Variants in EEF1AKMT2 observed in about 807,000 individuals in gnomAD.
The protein encoded by EEF1AKMT2 is eukaryotic translation elongation factor 1 alpha lysine methyltransferase 2.
In EEF1AKMT2, 32 loss-of-function variants were observed where a neutral mutation model predicts 35.8. The ratio of observed to expected loss-of-function variants is 0.89; its 90% CI spans 0.67 to 1.20. The LOEUF (loss-of-function observed/expected upper bound fraction) is 1.20. Among genes scored for constraint, EEF1AKMT2 ranks in the 50% most tolerant of loss-of-function variants. The pLI, the probability that EEF1AKMT2 is intolerant of heterozygous loss-of-function variation, is 0.00. For missense variants in EEF1AKMT2, 330 were observed against 347.5 expected, an observed-to-expected ratio of 0.95 and a Z score of 0.40; for synonymous variants, 121 against 133.7, an observed-to-expected ratio of 0.91 and a Z score of 0.65.
At chr10:124,788,677 C>T (rs544246034) in intron 3 of EEF1AKMT2, among the ~76,000 whole-genome samples, 42 of 116,902 alleles carry the variant, frequency 3.6e-4, no homozygotes, top group Non-Finnish European at 6.2e-4. Flanking sequence ...AGATAAGATA[C>T]GTATGTCCTA....
chr10:124,762,809 G>A (rs1193604199), intron 5 of EEF1AKMT2, among the ~76,000 whole-genome samples: 1 of 152,018 alleles, frequency 6.6e-6, no homozygotes, highest in African/African-American at 2.4e-5. Context: ...CATTGTCCTG[G>A]ATACATGCAT....
At position 124,779,858 on chromosome 10, in the gene EEF1AKMT2, C is replaced by T. The variant is rs1274839960; in HGVS notation, c.292-5076G>A. Among the ~76,000 whole-genome samples the T allele has an allele frequency of 3.3e-5, 5 of 149,264 alleles. No individual in the cohort carries two copies. In the East Asian group the frequency reaches 6.0e-4, roughly 18 times the overall value. On this transcript the variant is annotated intron_variant, in intron 3 of 6. Transcript: ENST00000368836. Reference sequence around the variant, plus strand: ...TGGGTGGATCCTGAGGTCAGGAGATCGAGACCATCCTGGCTAACAGAGTGA... The same window carrying T: ...TGGGTGGATCCTGAGGTCAGGAGATTGAGACCATCCTGGCTAACAGAGTGA...
chr10:124,760,240 C>A lies in EEF1AKMT2; in HGVS notation c.*263G>T, dbSNP rs1950319037. The stretch of plus-strand genomic sequence containing the variant: ...TCTTGATTGATCTCTAAAACCCAAC[C>A]ACTTAGATGCTCATTATTATTATTT... On this transcript the variant is annotated 3_prime_UTR_variant, in exon 7 of 7. Transcript: ENST00000368836. 1 of 429,378 alleles carries A rather than the reference C, an allele frequency of 2.3e-6. No individual in the cohort carries two copies. The highest frequency in any genetic ancestry group is 4.1e-6 in the Non-Finnish European group (1 of 241,206). 26.6% of individuals were successfully genotyped at this position (429,378 alleles called of 1,614,324 possible). A position where few individuals can be genotyped will look rare whatever the true frequency, so the allele number is the denominator to read the frequency against.
chr10:124,772,644 T>C (rs1950448451), intron 4 of EEF1AKMT2, among the ~76,000 whole-genome samples: 1 of 152,020 alleles, frequency 6.6e-6, no homozygotes, highest in Admixed American at 6.6e-5. Context: ...GCCAGGCTGG[T>C]CTTAAACTCC....
intron 3 of EEF1AKMT2, among the ~76,000 whole-genome samples, chr10:124,787,824 G>T (rs1343314314): frequency 2.0e-5 from 3 of 151,890 alleles, no homozygotes; most frequent in African/African-American, 7.3e-5. Context: ...ATCTTGACCA[G>T]GTGATTGTTA....
chr10:124,789,375 T>G (rs1351506654), intron 2 of EEF1AKMT2, among the ~76,000 whole-genome samples: 1 of 152,260 alleles, frequency 6.6e-6, no homozygotes, highest in Non-Finnish European at 1.5e-5. Context: ...CATTTCTCTA[T>G]ATCAGCATTA....
intron 3 of EEF1AKMT2, among the ~76,000 whole-genome samples, chr10:124,786,572 G>T (rs2134143439): frequency 6.6e-6 from 1 of 151,460 alleles, no homozygotes; most frequent in South Asian, 2.1e-4. Flanking sequence ...CACTCCGGGA[G>T]GCTGAGGCAG....
intron 4 of EEF1AKMT2, among the ~76,000 whole-genome samples, chr10:124,769,218 C>CAAAAA (rs1554917142): frequency 9.6e-5 from 3 of 31,296 alleles, no homozygotes; most frequent in South Asian, 3.0e-3. Context: ...ACACTGTCTC[C>CAAAAA]AAAAAAAAAA....
rs1314926589 is a variant in EEF1AKMT2 at position 124,759,509 on chromosome 10, A to C, written c.*994T>G. 1 of 152,226 alleles carries C rather than the reference A, an allele frequency of 6.6e-6. No homozygotes were observed. Among genetic ancestry groups the C allele is most frequent in the Non-Finnish European group, 1.5e-5 (1 of 68,038 alleles). The allele number at this position is 152,226 out of a possible 1,614,324, so 9.4% of individuals were successfully genotyped here. On this transcript the variant is annotated 3_prime_UTR_variant, in exon 7 of 7. Transcript: ENST00000368836. The stretch of plus-strand genomic sequence containing the variant: ...CATCATGGGTCTCCAGCTGTACTGT[A>C]AATGCTACAAAGGCAAAGACTAAGC...
Position 124,759,532 on chromosome 10 carries a change from A to T in EEF1AKMT2, c.*971T>A, listed in dbSNP as rs1320514424. On this transcript the variant is annotated 3_prime_UTR_variant, in exon 7 of 7. Coordinates refer to ENST00000368836, the MANE Select transcript of EEF1AKMT2 (RefSeq NM_212554.4). ...GTAAATGCTACAAAGGCAAAGACTAAGCACCTGTGAGGCAGAATATGCTAG... is the reference window on the plus strand; with the variant it reads ...GTAAATGCTACAAAGGCAAAGACTATGCACCTGTGAGGCAGAATATGCTAG... 4 of 152,274 alleles carry T rather than the reference A, an allele frequency of 2.6e-5. No homozygotes were observed. The allele number at this position is 152,274 out of a possible 1,614,324, so 9.4% of individuals were successfully genotyped here.
intron 3 of EEF1AKMT2, among the ~76,000 whole-genome samples, chr10:124,787,607 A>G (rs1950596937): frequency 6.6e-6 from 1 of 152,074 alleles, no homozygotes; most frequent in Non-Finnish European, 1.5e-5. Flanking sequence ...AGCCTGGGCA[A>G]CATAGTGAAA....
chr10:124,772,714 C>T (rs1365851599), intron 4 of EEF1AKMT2, among the ~76,000 whole-genome samples: 1 of 152,166 alleles, frequency 6.6e-6, no homozygotes, highest in Non-Finnish European at 1.5e-5. Context: ...AGGCGTGAGC[C>T]ACTGTGTCCA....
At chr10:124,774,931 G>T in intron 3 of EEF1AKMT2, 149 bp from the exon 4 acceptor site, 1 of 328,986 alleles carries the variant, frequency 3.0e-6, no homozygotes, top group Non-Finnish European at 5.6e-6. Flanking sequence ...AAATTTTATT[G>T]TAGACTCTAA....
At chr10:124,779,822 G>C (rs1024583037) in intron 3 of EEF1AKMT2, among the ~76,000 whole-genome samples, 1 of 147,654 alleles carries the variant, frequency 6.8e-6, no homozygotes, top group African/African-American at 2.5e-5. Flanking sequence ...CAGCACTCTT[G>C]GAGGCCAAGG....
chr10:124,778,971 C>T (rs1950512489), intron 3 of EEF1AKMT2, among the ~76,000 whole-genome samples: 1 of 151,896 alleles, frequency 6.6e-6, no homozygotes, highest in Admixed American at 6.6e-5. Flanking sequence ...AAAAGTAGTA[C>T]GTATAAGAAA....
intron 3 of EEF1AKMT2, among the ~76,000 whole-genome samples, chr10:124,777,179 T>C (rs1006274492): frequency 6.7e-6 from 1 of 149,720 alleles, no homozygotes; most frequent in African/African-American, 2.5e-5. Context: ...CTCAGGAAGA[T>C]GAGGCAGGAG....
chr10:124,783,854 C>T (rs1950563323), intron 3 of EEF1AKMT2, among the ~76,000 whole-genome samples: 1 of 151,838 alleles, frequency 6.6e-6, no homozygotes, highest in African/African-American at 2.4e-5. Context: ...GACAGAGTTT[C>T]ACTCTAGTTG....
chr10:124,791,876 C>T lies in EEF1AKMT2; in HGVS notation c.-43G>A, dbSNP rs114982731. The stretch of plus-strand genomic sequence containing the variant: ...ACGGCCGTTGGGGCCGCCATAGAGA[C>T]GGGGCACAGGCAGAGCGGACGAGCG... On this transcript the variant is annotated 5_prime_UTR_variant, in exon 1 of 7. Transcript: ENST00000368836. 2.2e-4 allele frequency: 332 copies of T among 1,531,582 alleles called. No homozygotes were observed. The African/African-American group carries it at 4.1e-3, about 19-fold the overall frequency. The allele number at this position is 1,531,582 out of a possible 1,614,324, so 94.9% of individuals were successfully genotyped here. A position where few individuals can be genotyped will look rare whatever the true frequency, so the allele number is the denominator to read the frequency against.
chr10:124,790,191 C>T (rs1050851915), intron 2 of EEF1AKMT2, 82 bp downstream of exon 2: 2 of 1,139,856 alleles, frequency 1.8e-6, no homozygotes, highest in South Asian at 1.2e-5. Context: ...CCGCGCCCGG[C>T]GAATATATAC....
Sources: gnomAD v4.1 joint callset for allele counts (sites outside exome capture counted in the v4.1 genomes callset) on GRCh38, gnomAD v4.1.1 for gene constraint, MANE v1.5 for transcripts, NCBI Gene and HGNC (gene_info 2026-07-23, HGNC 2026-07-21) for gene names.